Variants in AFTPH observed in about 807,000 individuals in gnomAD.
The protein encoded by AFTPH is aftiphilin protein.
Under a neutral mutation model 72.5 loss-of-function variants are expected in AFTPH, and 7 were observed. That is an observed-to-expected ratio of 0.10 (90% confidence interval 0.05 to 0.18). AFTPH has a LOEUF of 0.18. AFTPH is among the 10% of genes least tolerant of loss of function. AFTPH has a pLI of 1.00. For synonymous variants in AFTPH, 337 were observed against 370.1 expected, an observed-to-expected ratio of 0.91 and a Z score of 1.03; for missense variants, 979 against 1,060.5, an observed-to-expected ratio of 0.92 and a Z score of 1.07.
intron 2 of AFTPH, among the ~76,000 whole-genome samples, chr2:64,559,233 A>ATTCG (rs58648141): frequency 0.11 from 16,864 of 152,054 alleles, 2,625 homozygotes; most frequent in African/African-American, 0.34. Context: ...ATAGAGGTGT[A>ATTCG]TTAGAGTTCT....
intron 6 of AFTPH, among the ~76,000 whole-genome samples, chr2:64,574,701 G>A (rs1381044884): frequency 6.6e-6 from 1 of 152,208 alleles, no homozygotes; most frequent in African/African-American, 2.4e-5. Context: ...GTGGGCCAGA[G>A]GACCTTGATG....
chr2:64,544,839 A>C (rs1333779921), intron 1 of AFTPH, among the ~76,000 whole-genome samples: 1 of 152,186 alleles, frequency 6.6e-6, no homozygotes, highest in African/African-American at 2.4e-5. Flanking sequence ...AAGTTGGGTC[A>C]GAGCCAATAC....
intron 6 of AFTPH, among the ~76,000 whole-genome samples, chr2:64,577,418 C>T (rs1268130726): frequency 2.6e-5 from 4 of 152,154 alleles, no homozygotes; most frequent in African/African-American, 9.7e-5. Context: ...TTCAAAATAC[C>T]ATACCCCTGT....
intron 1 of AFTPH, among the ~76,000 whole-genome samples, chr2:64,526,327 G>T (rs570287956): frequency 2.0e-5 from 3 of 152,128 alleles, no homozygotes; most frequent in Non-Finnish European, 4.4e-5. Flanking sequence ...GTTTTATTTT[G>T]TGTGAAATCT....
At chr2:64,582,403 A>G (rs1005499529) in intron 7 of AFTPH, among the ~76,000 whole-genome samples, 3 of 152,174 alleles carry the variant, frequency 2.0e-5, no homozygotes, top group Non-Finnish European at 4.4e-5. Flanking sequence ...GCTGCAGGGA[A>G]GTTCCAAGGT....
At chr2:64,525,779 T>C (rs750235073) in intron 1 of AFTPH, among the ~76,000 whole-genome samples, 7 of 152,232 alleles carry the variant, frequency 4.6e-5, no homozygotes, top group Admixed American at 1.3e-4. Context: ...AGTTTAAATG[T>C]TGGCTTTTTT....
chr2:64,556,810 T>G (rs1671406665), intron 2 of AFTPH, among the ~76,000 whole-genome samples: 1 of 152,238 alleles, frequency 6.6e-6, no homozygotes, highest in South Asian at 2.1e-4. Flanking sequence ...CAAGCTTTGA[T>G]GTAAAAGCCA....
rs141822775 is a variant in AFTPH, at chr2:64,552,122, C to G, written c.648C>G (p.Ser216Arg). ...GACGGAAGCCTCTTAGCACTCATAG[C>G]ACTGAGTATAATTTAGACTCTGTAC... Residue 216 changes from serine to arginine, a missense_variant, in exon 2 of 9, where the codon AGC (serine) becomes AGG (arginine). By Grantham distance (110) the Ser-to-Arg change is moderately radical (BLOSUM62 -1). Coordinates refer to ENST00000238856, the Ensembl canonical transcript of AFTPH. 1.2e-4 allele frequency: 200 copies of G among 1,614,086 alleles called. 1 individual carries two copies. Among genetic ancestry groups the G allele is most frequent in the Non-Finnish European group, 1.4e-4 (163 of 1,180,000 alleles).
At chr2:64,583,125 G>A (rs1159555230) in intron 7 of AFTPH, among the ~76,000 whole-genome samples, 1 of 152,060 alleles carries the variant, frequency 6.6e-6, no homozygotes, top group African/African-American at 2.4e-5. Flanking sequence ...TCAAGCTACA[G>A]GTATCAACAC....
At chr2:64,589,536 A>ACTAG (rs367964030) in intron 8 of AFTPH, among the ~76,000 whole-genome samples, 180 of 152,344 alleles carry the variant, frequency 1.2e-3, no homozygotes, top group African/African-American at 4.1e-3. Flanking sequence ...TTCTAAGAAG[A>ACTAG]CTAGCTCACA....
chr2:64,548,557 C>T (rs1245762814), intron 1 of AFTPH, among the ~76,000 whole-genome samples: 1 of 151,894 alleles, frequency 6.6e-6, no homozygotes, highest in East Asian at 1.9e-4. Flanking sequence ...AAGGAGTTTG[C>T]ATAGTACAAC....
At chr2:64,580,279 T>A (rs1673110436) in intron 7 of AFTPH, 1 of 152,678 alleles carries the variant, frequency 6.5e-6, no homozygotes, top group South Asian at 2.1e-4. Flanking sequence ...CTTAAGTTGT[T>A]CGAGCCATTG....
At chr2:64,585,400 G>T in intron 7 of AFTPH, 22 bp from the exon 9 acceptor site, 1 of 1,612,478 alleles carries the variant, frequency 6.2e-7, no homozygotes, top group South Asian at 1.1e-5. Context: ...TGCCATCACT[G>T]ACTATCATTT....
At chr2:64,592,227 T>G in exon 9 of AFTPH, 2 of 452,580 alleles carry the variant, frequency 4.4e-6, no homozygotes, top group Non-Finnish European at 3.8e-6. Flanking sequence ...AAATTTATAT[T>G]AGAAAAATGT....
intron 2 of AFTPH, among the ~76,000 whole-genome samples, chr2:64,559,201 C>G (rs918355034): frequency 2.0e-5 from 3 of 151,610 alleles, no homozygotes; most frequent in Non-Finnish European, 4.4e-5. Flanking sequence ...TCTCTTTATG[C>G]CCAGATGTAG....
chr2:64,587,404 G>A (rs1673580816), intron 8 of AFTPH, among the ~76,000 whole-genome samples: 1 of 152,210 alleles, frequency 6.6e-6, no homozygotes, highest in Non-Finnish European at 1.5e-5. Flanking sequence ...TTAAAATACT[G>A]TAAAATGTCC....
At chr2:64,553,679 G>A (rs1018110987) in intron 2 of AFTPH, among the ~76,000 whole-genome samples, 1 of 144,988 alleles carries the variant, frequency 6.9e-6, no homozygotes, top group Non-Finnish European at 1.5e-5. Context: ...GGATTTTTTG[G>A]TGACTATAAA....
chr2:64,544,522 A>G (rs984620527), intron 1 of AFTPH, among the ~76,000 whole-genome samples: 2 of 152,178 alleles, frequency 1.3e-5, no homozygotes, highest in African/African-American at 4.8e-5. Context: ...ATTACGAAGG[A>G]TGAAGAAACA....
chr2:64,590,312 CTCTA>C (rs1673747643), intron 8 of AFTPH, among the ~76,000 whole-genome samples: 1 of 152,124 alleles, frequency 6.6e-6, no homozygotes, highest in Non-Finnish European at 1.5e-5. Flanking sequence ...TTGCTGTGTT[CTCTA>C]TCTCCCTATT....
Sources: gnomAD v4.1 joint callset for allele counts (sites outside exome capture counted in the v4.1 genomes callset) on GRCh38, gnomAD v4.1.1 for gene constraint, MANE v1.5 for transcripts, NCBI Gene and HGNC (gene_info 2026-07-23, HGNC 2026-07-21) for gene names.